PROS1: variants seen among roughly 807,000 people sequenced by gnomAD.
PROS1 encodes protein S.
A neutral mutation model predicts 75.9 loss-of-function variants in PROS1; 29 were observed. That is an observed-to-expected ratio of 0.38 (90% CI 0.28 to 0.52). The LOEUF (loss-of-function observed/expected upper bound fraction) is 0.52. Among genes scored for constraint, PROS1 ranks in the 20% least tolerant of loss-of-function variants. The probability of loss-of-function intolerance (pLI) is 0.83; values close to 1 mark genes in which losing one functional copy is unlikely to be tolerated. For synonymous variants in PROS1, 245 were observed against 280.6 expected, an observed-to-expected ratio of 0.87 and a Z score of 1.27; for missense variants, 680 against 810.3, an observed-to-expected ratio of 0.84 and a Z score of 1.95.
At chr3:93,925,445 G>C (rs1454153537) in intron 2 of PROS1, among the ~76,000 whole-genome samples, 2 of 152,092 alleles carry the variant, frequency 1.3e-5, no homozygotes, top group Non-Finnish European at 2.9e-5. Context: ...TGGAAATGTG[G>C]ACTGTGGTAT....
intron 3 of PROS1, among the ~76,000 whole-genome samples, chr3:93,916,287 A>T (rs1203465426): frequency 6.6e-6 from 1 of 152,166 alleles, no homozygotes; most frequent in Non-Finnish European, 1.5e-5. Context: ...CTTCATTAGA[A>T]TCATCGTTTT....
chr3:93,937,967 G>A (rs1576204244), intron 1 of PROS1, among the ~76,000 whole-genome samples: 1 of 152,238 alleles, frequency 6.6e-6, no homozygotes, highest in South Asian at 2.1e-4. Flanking sequence ...AGGAGGGTGG[G>A]AGAAGGCAAC....
chr3:93,960,166 G>C (rs1182940401), intron 1 of PROS1, among the ~76,000 whole-genome samples: 3 of 150,854 alleles, frequency 2.0e-5, no homozygotes, highest in African/African-American at 7.3e-5. Context: ...AAGCAGAAGT[G>C]CGTTTGTCAC....
intron 1 of PROS1, among the ~76,000 whole-genome samples, chr3:93,946,437 G>A (rs1709400750): frequency 6.6e-6 from 1 of 152,082 alleles, no homozygotes; most frequent in African/African-American, 2.4e-5. Flanking sequence ...AAAACAGCAT[G>A]GTACTGGTAC....
intron 1 of PROS1, among the ~76,000 whole-genome samples, chr3:93,927,929 A>ATATATATATGTATATATATATACTTGTG (rs1709048387): frequency 7.3e-6 from 1 of 136,472 alleles, no homozygotes; most frequent in Non-Finnish European, 1.6e-5. Context: ...ATATATGTGT[A>ATATATATATGTATATATATATACTTGTG]TATATATATG....
intron 8 of PROS1, 41 bp from the exon 9 acceptor site, chr3:93,896,732 A>C: frequency 5.0e-6 from 7 of 1,406,650 alleles, no homozygotes; most frequent in Non-Finnish European, 7.1e-6. Context: ...GAAAATCAAA[A>C]TGCACAGGTT....
chr3:93,908,968 G>A (rs4857037), intron 4 of PROS1, among the ~76,000 whole-genome samples: 135,749 of 152,190 alleles, frequency 0.89, 60,601 homozygotes, highest in Non-Finnish European at 0.91. Context: ...CCATTATTTT[G>A]TATACTGACC....
chr3:93,889,749 C>A (rs912439250), intron 10 of PROS1, among the ~76,000 whole-genome samples: 1 of 152,174 alleles, frequency 6.6e-6, no homozygotes. Context: ...TTACTTTAAT[C>A]TCTTAATCCT....
At chr3:93,919,970 T>C (rs1708920997) in intron 3 of PROS1, among the ~76,000 whole-genome samples, 1 of 152,224 alleles carries the variant, frequency 6.6e-6, no homozygotes, top group Admixed American at 6.5e-5. Flanking sequence ...CTTTATATTA[T>C]TAATATTTGA....
chr3:93,953,299 T>A (rs1417059694), intron 1 of PROS1, among the ~76,000 whole-genome samples: 3 of 152,108 alleles, frequency 2.0e-5, no homozygotes, highest in Admixed American at 2.0e-4. Context: ...TAGACCAATA[T>A]CCCTGATGAA....
chr3:93,905,995 T>TG (rs778551665), intron 5 of PROS1, 26 bp downstream of exon 5: 11 of 1,611,870 alleles, frequency 6.8e-6, no homozygotes, highest in South Asian at 1.1e-5. Flanking sequence ...CCTGATGAGC[T>TG]GGGGGGCGGG....
At chr3:93,922,189 C>A (rs952093048) in intron 3 of PROS1, among the ~76,000 whole-genome samples, 1 of 152,172 alleles carries the variant, frequency 6.6e-6, no homozygotes, top group African/African-American at 2.4e-5. Context: ...AGTCAGCATT[C>A]TGAGGTAATT....
intron 1 of PROS1, among the ~76,000 whole-genome samples, chr3:93,951,085 T>C (rs1177786641): frequency 1.3e-5 from 2 of 152,114 alleles, no homozygotes; most frequent in Non-Finnish European, 2.9e-5. Flanking sequence ...CCAAGAAATA[T>C]GGGACTATGT....
In PROS1 at chr3:93,889,780, A is replaced by T. The variant is rs1708403931; in HGVS notation, c.1155+3153T>A. Among the ~76,000 whole-genome samples, 4 of 152,268 alleles carry T rather than the reference A, an allele frequency of 2.6e-5. No homozygotes were observed. The South Asian group carries it at 8.3e-4, about 32-fold the overall frequency. On this transcript the variant is annotated intron_variant, in intron 10 of 14. Transcript: ENST00000394236. ...ATCCTGTTATCTTCATAAGCTGAGG[A>T]TCTACATCACCTCAGGATCACAACT...
intron 1 of PROS1, among the ~76,000 whole-genome samples, chr3:93,955,212 C>T (rs934445969): frequency 2.0e-5 from 3 of 152,136 alleles, no homozygotes; most frequent in African/African-American, 7.2e-5. Flanking sequence ...TTGACCCAGC[C>T]ATCCCCTTAC....
intron 1 of PROS1, among the ~76,000 whole-genome samples, chr3:93,949,674 G>T (rs1709461863): frequency 6.6e-6 from 1 of 152,110 alleles, no homozygotes; most frequent in Non-Finnish European, 1.5e-5. Context: ...GGGAAAAAAA[G>T]ACTAATAAGG....
chr3:93,884,601 T>A, intron 12 of PROS1, 127 bp downstream of exon 12: 1 of 1,086,600 alleles, frequency 9.2e-7, no homozygotes, highest in East Asian at 2.6e-5. Context: ...ATAGTATGAA[T>A]AAGCATAAGA....
Position 93,874,417 on chromosome 3 carries a change from A to T in PROS1, c.1871-12T>A. ...ACTGAATGGAACATCTGTAAAAGGA[A>T]AATATTAGAATATTAGTCCAAGACT... is the stretch of plus-strand genomic sequence containing the variant. On this transcript the variant is annotated splice_polypyrimidine_tract_variant and intron_variant, in intron 14 of 14. Coordinates refer to ENST00000394236, the MANE Select transcript of PROS1 (RefSeq NM_000313.4). 1 of 1,613,156 alleles carries T rather than the reference A, an allele frequency of 6.2e-7. No individual in the cohort carries two copies. Among genetic ancestry groups the T allele is most frequent in the South Asian group, 1.1e-5 (1 of 91,024 alleles).
At chr3:93,928,982 T>C (rs561791962) in intron 1 of PROS1, among the ~76,000 whole-genome samples, 1 of 152,228 alleles carries the variant, frequency 6.6e-6, no homozygotes, top group South Asian at 2.1e-4. Context: ...CATGCATTCT[T>C]GTACACTGGT....
Sources: gnomAD v4.1 joint callset for allele counts (sites outside exome capture counted in the v4.1 genomes callset) on GRCh38, gnomAD v4.1.1 for gene constraint, MANE v1.5 for transcripts, NCBI Gene and HGNC (gene_info 2026-07-23, HGNC 2026-07-21) for gene names.